The following PACRGL variants were observed in gnomAD, a reference collection of about 807,000 sequenced individuals.
PACRGL encodes the protein PACRG-like protein.
Under a neutral mutation model 34.5 loss-of-function variants are expected in PACRGL, and 38 were observed. That is an observed-to-expected ratio of 1.10 (90% CI 0.85 to 1.44). PACRGL has a LOEUF of 1.44. PACRGL is among the 40% of genes most tolerant of loss of function. The pLI is 0.00. For missense variants in PACRGL, 305 were observed against 281.4 expected, an observed-to-expected ratio of 1.08 and a Z score of -0.60; for synonymous variants, 128 against 100.1, an observed-to-expected ratio of 1.28 and a Z score of -1.66.
chr4:20,711,350 C>G (rs1164657698), intron 5 of PACRGL, among the ~76,000 whole-genome samples: 2 of 152,226 alleles, frequency 1.3e-5, no homozygotes, highest in South Asian at 2.1e-4. Flanking sequence ...AGATTTTTAT[C>G]TTTCTCCTGG....
chr4:20,722,557 C>A (rs1047720373), intron 7 of PACRGL, among the ~76,000 whole-genome samples: 1 of 152,158 alleles, frequency 6.6e-6, no homozygotes, highest in African/African-American at 2.4e-5. Context: ...CTCATGTGAG[C>A]CTTAGTGTCC....
At chr4:20,759,579 A>G in the PACRGL span, among the ~76,000 whole-genome samples, 1 of 152,090 alleles carries the variant, frequency 6.6e-6, no homozygotes, top group Non-Finnish European at 1.5e-5. Context: ...ATGTTGGACA[A>G]CTGACCTGGA....
At chr4:20,735,610 A>G (rs1396597506), downstream of PACRGL, among the ~76,000 whole-genome samples, 1 of 146,902 alleles carries the variant, frequency 6.8e-6, no homozygotes, top group Non-Finnish European at 1.5e-5. Flanking sequence ...GCTCACTGCA[A>G]CTTCCACCTC....
chr4:20,723,463 G>A (rs1744321348), intron 7 of PACRGL, among the ~76,000 whole-genome samples: 1 of 151,586 alleles, frequency 6.6e-6, no homozygotes, highest in Non-Finnish European at 1.5e-5. Flanking sequence ...GTGGGTGGGG[G>A]ATGTAGAAAT....
chr4:20,740,275 A>G (rs371844612), intron 8 of PACRGL, among the ~76,000 whole-genome samples: 1 of 152,120 alleles, frequency 6.6e-6, no homozygotes. Context: ...CAAGACACAT[A>G]AATTGTCAGA....
Position 20,729,489 on chromosome 4 carries a change from A to G in PACRGL, c.*2148A>G, listed in dbSNP as rs907374044. 1 of 119,526 alleles carries G rather than the reference A, an allele frequency of 8.4e-6. No individual in the cohort carries two copies. Among genetic ancestry groups the G allele is most frequent in the Non-Finnish European group, 1.8e-5 (1 of 56,946 alleles). 7.4% of individuals were successfully genotyped at this position (119,526 alleles called of 1,614,324 possible). A position where few individuals can be genotyped will look rare whatever the true frequency, so the allele number is the denominator to read the frequency against. ...TAATAAACTAATTTTTAAATGTTTA[A>G]TAATTTTTAAATGTTTAAAAATGCC... On this transcript the variant is annotated 3_prime_UTR_variant, in exon 9 of 9. Transcript: ENST00000503585.
chr4:20,748,606 T>A (rs1752948327), intron 8 of PACRGL, among the ~76,000 whole-genome samples: 1 of 116,572 alleles, frequency 8.6e-6, no homozygotes. Flanking sequence ...ATATATATAT[T>A]CCATAAGTAA....
intron 8 of PACRGL, among the ~76,000 whole-genome samples, chr4:20,749,468 A>ATAT (rs1753172802): frequency 6.6e-6 from 1 of 152,190 alleles, no homozygotes; most frequent in Non-Finnish European, 1.5e-5. Flanking sequence ...ATAAAGCATT[A>ATAT]GAAAATAAAC....
intron 2 of PACRGL, 48 bp downstream of exon 2, chr4:20,704,581 A>G (rs1560289182): frequency 6.2e-7 from 1 of 1,613,116 alleles, no homozygotes; most frequent in Admixed American, 1.7e-5. Context: ...TGTTCATGGC[A>G]CTTTCTGTGC....
At chr4:20,756,082 G>A (rs1177917340), downstream of PACRGL, among the ~76,000 whole-genome samples, 1 of 152,078 alleles carries the variant, frequency 6.6e-6, no homozygotes, top group Non-Finnish European at 1.5e-5. Context: ...ATGGTTAGGG[G>A]AGGGGTCATC....
chr4:20,748,411 C>T (rs1339704541), intron 8 of PACRGL, among the ~76,000 whole-genome samples: 1 of 151,880 alleles, frequency 6.6e-6, no homozygotes, highest in Non-Finnish European at 1.5e-5. Flanking sequence ...GAGCAGGCTT[C>T]CCTGCTACAG....
chr4:20,731,699 A>G lies in PACRGL; in HGVS notation c.*4358A>G, dbSNP rs140659929. On this transcript the variant is annotated 3_prime_UTR_variant, in exon 9 of 9. Coordinates refer to ENST00000503585, the MANE Select transcript of PACRGL (RefSeq NM_001258345.3). ...TGATGCTAAGTTTTGGCAAAGAGCAATTCAAATCTCATGTATGTTTTATCC... is the reference window on the plus strand; with the variant it reads ...TGATGCTAAGTTTTGGCAAAGAGCAGTTCAAATCTCATGTATGTTTTATCC... 1.1e-3 allele frequency: 1,061 copies of G among 985,336 alleles called. 7 individuals carry two copies. The African/African-American group carries it at 0.016, about 14-fold the overall frequency. 61.0% of individuals were successfully genotyped at this position (985,336 alleles called of 1,614,324 possible). A position where few individuals can be genotyped will look rare whatever the true frequency, so the allele number is the denominator to read the frequency against.
chr4:20,750,540 G>A (rs1485970110), intron 8 of PACRGL, among the ~76,000 whole-genome samples: 1 of 152,150 alleles, frequency 6.6e-6, no homozygotes, highest in East Asian at 1.9e-4. Flanking sequence ...TTCTTAGTTT[G>A]CTTCTATTGG....
At chr4:20,714,769 AAAC>A (rs1403268081) in intron 7 of PACRGL, among the ~76,000 whole-genome samples, 1 of 152,132 alleles carries the variant, frequency 6.6e-6, no homozygotes, top group African/African-American at 2.4e-5. Flanking sequence ...AAAAGTCAGG[AAAC>A]AACAGGTGTT....
chr4:20,735,258 C>T (rs1447911398), downstream of PACRGL, among the ~76,000 whole-genome samples: 1 of 152,154 alleles, frequency 6.6e-6, no homozygotes, highest in Non-Finnish European at 1.5e-5. Context: ...ATTCACCCTC[C>T]AGCTATATTA....
At position 20,713,614 on chromosome 4, in the gene PACRGL, A is replaced by G. The variant is rs1578201443; in HGVS notation, c.609+75A>G. ...ATCCATATCTCTTCATGATTTAACA[A>G]TTTCAAATCTTCAACTCAAAACCTT... is the stretch of plus-strand genomic sequence containing the variant. On this transcript the variant is annotated intron_variant, in intron 7 of 8. Coordinates refer to ENST00000503585, the MANE Select transcript of PACRGL (RefSeq NM_001258345.3). 6.2e-6 allele frequency: 8 copies of G among 1,280,524 alleles called. No homozygotes were observed. The East Asian group carries it at 1.4e-4, about 23-fold the overall frequency. The allele number at this position is 1,280,524 out of a possible 1,614,324, so 79.3% of individuals were successfully genotyped here. A position where few individuals can be genotyped will look rare whatever the true frequency, so the allele number is the denominator to read the frequency against.
Position 20,729,349 on chromosome 4 carries a change from C to T in PACRGL, c.*2008C>T, listed in dbSNP as rs1041335766. On this transcript the variant is annotated 3_prime_UTR_variant, in exon 9 of 9. Transcript: ENST00000503585. The stretch of plus-strand genomic sequence containing the variant: ...TAATGATTGATACAATAGAAAACAG[C>T]CTGTAAGAAAGATTGAACAAATCCA... The T allele has an allele frequency of 2.0e-5, 3 of 151,382 alleles. No homozygotes were observed. The highest frequency in any genetic ancestry group is 7.3e-5 in the African/African-American group (3 of 41,294). 9.4% of individuals were successfully genotyped at this position (151,382 alleles called of 1,614,324 possible).
chr4:20,710,082 T>C (rs1392848360), intron 5 of PACRGL, among the ~76,000 whole-genome samples: 2 of 152,092 alleles, frequency 1.3e-5, no homozygotes, highest in Non-Finnish European at 1.5e-5. Context: ...TTGGTACTAG[T>C]GAAATAAGGA....
In PACRGL at chr4:20,732,220, T is replaced by A. The variant is rs1748465649; in HGVS notation, c.*4879T>A. 1.6e-6 allele frequency: 1 copy of A among 620,360 alleles called. No individual in the cohort carries two copies. Among genetic ancestry groups the A allele is most frequent in the African/African-American group, 1.9e-5 (1 of 54,006 alleles). The allele number at this position is 620,360 out of a possible 1,614,324, so 38.4% of individuals were successfully genotyped here. A position where few individuals can be genotyped will look rare whatever the true frequency, so the allele number is the denominator to read the frequency against. On this transcript the variant is annotated 3_prime_UTR_variant, in exon 9 of 9. Transcript: ENST00000503585. The stretch of plus-strand genomic sequence containing the variant: ...TTCAGAGCAGGAACCAGCAGTTTTT[T>A]AGAGATAAAAATGATAGGGCCAAAT...
Sources: gnomAD v4.1 joint callset for allele counts (sites outside exome capture counted in the v4.1 genomes callset) on GRCh38, gnomAD v4.1.1 for gene constraint, MANE v1.5 for transcripts, NCBI Gene and HGNC (gene_info 2026-07-23, HGNC 2026-07-21) for gene names.